The following LRMDA variants were observed in gnomAD, a reference collection of about 807,000 sequenced individuals.
LRMDA encodes the protein leucine rich melanocyte differentiation associated, also known as leucine-rich melanocyte differentiation-associated protein.
In LRMDA, 18 loss-of-function variants were observed where a neutral mutation model predicts 29.8. The ratio of observed to expected loss-of-function variants is 0.60; its 90% CI spans 0.42 to 0.90. The LOEUF is 0.90. LRMDA is among the 40% of genes least tolerant of loss of function. LRMDA has a pLI of 0.00. For synonymous variants in LRMDA, 125 were observed against 109.4 expected, an observed-to-expected ratio of 1.14 and a Z score of -0.89; for missense variants, 273 against 273.9, an observed-to-expected ratio of 1.00 and a Z score of 0.02.
At chr10:75,486,514 G>C (rs1394790381) in intron 2 of LRMDA, among the ~76,000 whole-genome samples, 2 of 152,136 alleles carry the variant, frequency 1.3e-5, no homozygotes, top group African/African-American at 4.8e-5. Flanking sequence ...ACAAAATGCT[G>C]GTAGTGCATA....
At chr10:75,727,184 A>C (rs1023291859) in intron 2 of LRMDA, among the ~76,000 whole-genome samples, 3 of 152,150 alleles carry the variant, frequency 2.0e-5, no homozygotes, top group African/African-American at 7.2e-5. Flanking sequence ...GCCATCCTTC[A>C]CCTGATTTTT....
intron 5 of LRMDA, among the ~76,000 whole-genome samples, chr10:76,304,824 A>T (rs1840531132): frequency 6.6e-6 from 1 of 152,164 alleles, no homozygotes. Context: ...TAGGCTTTGC[A>T]AAGATCTCCA....
chr10:75,652,850 T>C (rs1841617362), intron 2 of LRMDA, among the ~76,000 whole-genome samples: 1 of 152,198 alleles, frequency 6.6e-6, no homozygotes, highest in African/African-American at 2.4e-5. Context: ...TATGTTGATA[T>C]AGAATTTTGC....
chr10:76,003,630 G>A (rs958207302), intron 2 of LRMDA, among the ~76,000 whole-genome samples: 8 of 152,230 alleles, frequency 5.3e-5, no homozygotes, highest in African/African-American at 1.9e-4. Flanking sequence ...GTATTGAACA[G>A]GGTGGTCAGG....
At chr10:75,863,300 A>G (rs1844963713) in intron 2 of LRMDA, among the ~76,000 whole-genome samples, 2 of 152,296 alleles carry the variant, frequency 1.3e-5, no homozygotes, top group Middle Eastern at 3.4e-3. Flanking sequence ...ATCATGATTT[A>G]TTTAATCTGT....
At chr10:76,504,213 T>G (rs900086150) in intron 6 of LRMDA, among the ~76,000 whole-genome samples, 1 of 152,020 alleles carries the variant, frequency 6.6e-6, no homozygotes, top group Non-Finnish European at 1.5e-5. Context: ...TGATATCAAC[T>G]TTTTTGAATT....
rs148653959 is a variant in LRMDA, at chr10:75,610,660, C to T, written c.131+172166C>T. 2.9e-3 allele frequency among the ~76,000 whole-genome samples: 444 copies of T among 152,298 alleles called. 4 individuals are homozygous for T. Among genetic ancestry groups the T allele is most frequent in the African/African-American group, 0.01 (418 of 41,540 alleles). The stretch of plus-strand genomic sequence containing the variant: ...ATGGGACTGGCCCATGTTCGGGTGG[C>T]AGAGGCAGGCCCAGGTTCCCCAGTC... On this transcript the variant is annotated intron_variant, in intron 2 of 6. Transcript: ENST00000611255.
At chr10:76,508,271 T>C (rs1416001671) in intron 6 of LRMDA, among the ~76,000 whole-genome samples, 1 of 152,178 alleles carries the variant, frequency 6.6e-6, no homozygotes, top group Non-Finnish European at 1.5e-5. Context: ...TTTGAGACTG[T>C]GTAAGTATCC....
intron 5 of LRMDA, among the ~76,000 whole-genome samples, chr10:76,275,034 G>A (rs11001716): frequency 0.5 from 75,344 of 151,970 alleles, 18,931 homozygotes; most frequent in South Asian, 0.6. Flanking sequence ...TCTTACTCCA[G>A]CCCTAACTGG....
chr10:76,353,259 A>C (rs1841199704), intron 6 of LRMDA, among the ~76,000 whole-genome samples: 1 of 151,498 alleles, frequency 6.6e-6, no homozygotes, highest in Non-Finnish European at 1.5e-5. Context: ...TTCCCTAAGA[A>C]CTTTTTTTGG....
At chr10:75,731,734 A>G (rs1842701502) in intron 2 of LRMDA, among the ~76,000 whole-genome samples, 1 of 152,126 alleles carries the variant, frequency 6.6e-6, no homozygotes, top group African/African-American at 2.4e-5. Context: ...TCTAGCACAA[A>G]CTCTGATACG....
At chr10:76,103,402 G>A (rs1040705816) in intron 5 of LRMDA, among the ~76,000 whole-genome samples, 3 of 152,194 alleles carry the variant, frequency 2.0e-5, no homozygotes, top group Non-Finnish European at 4.4e-5. Flanking sequence ...CAGAGTGGAT[G>A]ACTCACTGCC....
At chr10:75,927,501 C>T (rs1346964282) in intron 2 of LRMDA, among the ~76,000 whole-genome samples, 1 of 152,176 alleles carries the variant, frequency 6.6e-6, no homozygotes, top group African/African-American at 2.4e-5. Context: ...TTGCTCTGCA[C>T]TTTTTATGGC....
chr10:76,472,348 C>T (rs956248591), intron 6 of LRMDA, among the ~76,000 whole-genome samples: 1 of 151,640 alleles, frequency 6.6e-6, no homozygotes, highest in Non-Finnish European at 1.5e-5. Context: ...TTGAAAAACA[C>T]TTTGAGATGA....
chr10:75,887,759 C>T (rs1208399544), intron 2 of LRMDA, among the ~76,000 whole-genome samples: 1 of 152,158 alleles, frequency 6.6e-6, no homozygotes, highest in Non-Finnish European at 1.5e-5. Flanking sequence ...ACTGATTCTA[C>T]TACCATAAGG....
At chr10:76,102,748 G>T (rs1417799635) in intron 5 of LRMDA, among the ~76,000 whole-genome samples, 14 of 152,098 alleles carry the variant, frequency 9.2e-5, no homozygotes, top group Admixed American at 9.2e-4. Flanking sequence ...AAACACCTGG[G>T]CTCAAGCTAT....
At chr10:76,380,328 A>C (rs1402777419) in intron 6 of LRMDA, among the ~76,000 whole-genome samples, 3 of 151,804 alleles carry the variant, frequency 2.0e-5, no homozygotes, top group Admixed American at 6.6e-5. Flanking sequence ...TTCTAATGTT[A>C]TTTTCATTTT....
chr10:76,394,053 A>C (rs1841754642), intron 6 of LRMDA, among the ~76,000 whole-genome samples: 2 of 152,184 alleles, frequency 1.3e-5, no homozygotes, highest in African/African-American at 2.4e-5. Context: ...GTGAGACAGA[A>C]GAACACAGGA....
At position 75,941,189 on chromosome 10, in the gene LRMDA, C is replaced by T. The variant is rs1403518603; in HGVS notation, c.132-94819C>T. Among the ~76,000 whole-genome samples the T allele has an allele frequency of 2.0e-5, 3 of 152,168 alleles. No homozygotes were observed. The East Asian group carries it at 5.8e-4, about 29-fold the overall frequency. On this transcript the variant is annotated intron_variant, in intron 2 of 6. Coordinates refer to ENST00000611255, the MANE Select transcript of LRMDA (RefSeq NM_001305581.2). ...AGCCCTTCACGCTGTATTGGAAATG[C>T]CGCCGCCTCCAGCCCACCCTATACT...
Sources: allele counts gnomAD v4.1 joint callset (sites outside exome capture counted in the v4.1 genomes callset), GRCh38; gene constraint gnomAD v4.1.1; transcripts MANE v1.5; gene names NCBI Gene and HGNC (gene_info 2026-07-23, HGNC 2026-07-21).